Variants in JAZF1 observed in about 807,000 individuals in gnomAD.
JAZF1 encodes the protein juxtaposed with another zinc finger protein 1.
Under a neutral mutation model 26.4 loss-of-function variants are expected in JAZF1, and 8 were observed. The ratio of observed to expected loss-of-function variants is 0.30; its 90% CI spans 0.18 to 0.55. The LOEUF (loss-of-function observed/expected upper bound fraction) is 0.55, where lower values mean the gene tolerates loss of function less well. Ranked by LOEUF, JAZF1 falls within the 20% of genes least tolerant of loss-of-function variation. The pLI, the probability that JAZF1 is intolerant of heterozygous loss-of-function variation, is 0.94. For missense variants in JAZF1, 199 were observed against 322.0 expected, an observed-to-expected ratio of 0.62 and a Z score of 2.92; for synonymous variants, 126 against 122.3, an observed-to-expected ratio of 1.03 and a Z score of -0.20.
At chr7:27,946,375 C>T (rs962242761) in intron 2 of JAZF1, among the ~76,000 whole-genome samples, 3 of 152,202 alleles carry the variant, frequency 2.0e-5, no homozygotes, top group African/African-American at 7.2e-5. Context: ...ATCTAATACG[C>T]AATCTGAAGG....
intron 1 of JAZF1, among the ~76,000 whole-genome samples, chr7:28,066,496 G>A (rs1219221173): frequency 6.6e-6 from 1 of 151,708 alleles, no homozygotes; most frequent in East Asian, 1.9e-4. Flanking sequence ...CCAGCTACTT[G>A]GGAGGCTGAG....
At chr7:27,896,083 G>C (rs906558619) in intron 2 of JAZF1, among the ~76,000 whole-genome samples, 5 of 152,166 alleles carry the variant, frequency 3.3e-5, no homozygotes, top group Admixed American at 6.5e-5. Context: ...TCCAGAAGAA[G>C]GGAAGAGAGC....
intron 1 of JAZF1, among the ~76,000 whole-genome samples, chr7:28,138,919 A>G (rs1782924367): frequency 6.6e-6 from 1 of 152,238 alleles, no homozygotes; most frequent in African/African-American, 2.4e-5. Flanking sequence ...GATAACATAC[A>G]TGACAGTTGT....
chr7:28,112,457 G>A (rs1354073001), intron 1 of JAZF1, among the ~76,000 whole-genome samples: 1 of 152,008 alleles, frequency 6.6e-6, no homozygotes, highest in African/African-American at 2.4e-5. Context: ...TTGTAAAGTT[G>A]GTTTTAAAAA....
At chr7:28,173,118 T>C (rs763288302) in intron 1 of JAZF1, among the ~76,000 whole-genome samples, 1 of 152,174 alleles carries the variant, frequency 6.6e-6, no homozygotes, top group Non-Finnish European at 1.5e-5. Flanking sequence ...GCCCTGGCAA[T>C]ATATTCAAAA....
chr7:28,111,207 A>G (rs1433413387), intron 1 of JAZF1, among the ~76,000 whole-genome samples: 3 of 152,236 alleles, frequency 2.0e-5, no homozygotes, highest in African/African-American at 4.8e-5. Flanking sequence ...ATGCTAATCC[A>G]GTTAAGTTAA....
At chr7:27,863,539 T>C (rs1046325719) in intron 3 of JAZF1, among the ~76,000 whole-genome samples, 3 of 152,252 alleles carry the variant, frequency 2.0e-5, no homozygotes, top group Non-Finnish European at 4.4e-5. Flanking sequence ...ATCTCCCTCA[T>C]AGTGCAGCTA....
At chr7:27,878,745 C>T (rs1229118893) in intron 3 of JAZF1, among the ~76,000 whole-genome samples, 1 of 152,176 alleles carries the variant, frequency 6.6e-6, no homozygotes, top group Non-Finnish European at 1.5e-5. Context: ...CCCAAGAATT[C>T]TCATCTAAGT....
At chr7:28,121,186 G>GAAAAAAAAA (rs113018287) in intron 1 of JAZF1, among the ~76,000 whole-genome samples, 7 of 134,122 alleles carry the variant, frequency 5.2e-5, no homozygotes, top group Admixed American at 2.3e-4. Context: ...AGACTGTCTC[G>GAAAAAAAAA]AAAAAAAAAG....
chr7:27,953,010 C>T (rs931811216), intron 2 of JAZF1, among the ~76,000 whole-genome samples: 2 of 152,198 alleles, frequency 1.3e-5, no homozygotes, highest in African/African-American at 4.8e-5. Flanking sequence ...TCTTGTTGCT[C>T]TAAAGGCAGT....
Position 27,991,959 on chromosome 7 carries a change from T to C in JAZF1, c.138A>G (p.Glu46=), listed in dbSNP as rs911548623. Residue 46 remains glutamate (E), a synonymous_variant, in exon 2 of 5, where the codon GAA becomes GAG. Coordinates refer to ENST00000283928, the MANE Select transcript of JAZF1 (RefSeq NM_175061.4). ...AGGTTGGCTGCTGTAATTCTTGTTT[T>C]TCTAAAACCCGTGGATCTGTATCTG... ...NHIDTDPRVL[E]KQELQQPTYV... 2.0e-5 allele frequency: 32 copies of C among 1,606,542 alleles called. No homozygotes were observed. The highest frequency in any genetic ancestry group is 2.6e-5 in the Non-Finnish European group (31 of 1,173,952).
intron 1 of JAZF1, among the ~76,000 whole-genome samples, chr7:28,068,499 T>C (rs1278377209): frequency 8.5e-5 from 13 of 152,172 alleles, no homozygotes; most frequent in Non-Finnish European, 1.9e-4. Context: ...CCTGAAGACC[T>C]TGCAAATGAT....
intron 1 of JAZF1, among the ~76,000 whole-genome samples, chr7:28,141,258 T>C (rs926997770): frequency 3.9e-5 from 6 of 152,138 alleles, no homozygotes; most frequent in Admixed American, 3.9e-4. Flanking sequence ...ACCTCCTACA[T>C]GGAAAGCCTG....
Position 27,982,385 on chromosome 7 carries a change from C to A in JAZF1, c.188+9524G>T, listed in dbSNP as rs535857308. ...AGCCATCTGAGATCGAACAGCAAGGCGGCAGCGAGGCTGGGGGAGGGGCGT... is the reference window on the plus strand; with the variant it reads ...AGCCATCTGAGATCGAACAGCAAGGAGGCAGCGAGGCTGGGGGAGGGGCGT... On this transcript the variant is annotated intron_variant, in intron 2 of 4. Transcript: ENST00000283928. Among the ~76,000 whole-genome samples, 434 of 152,142 alleles carry A rather than the reference C, an allele frequency of 2.9e-3. 3 individuals are homozygous for A. The highest frequency in any genetic ancestry group is 9.8e-3 in the African/African-American group (405 of 41,512).
In JAZF1 at chr7:28,159,520, G is replaced by T. The variant is rs191623626; in HGVS notation, c.115+20943C>A. Among the ~76,000 whole-genome samples, 21 of 152,084 alleles carry T rather than the reference G, an allele frequency of 1.4e-4. No individual in the cohort carries two copies. The East Asian group carries it at 4.1e-3, about 30-fold the overall frequency. On this transcript the variant is annotated intron_variant, in intron 1 of 4. Transcript: ENST00000283928. ...GGCGTGGGCAGGAGGTGTTGAGACC[G>T]TAAGCCCTGGGAAGGTGTCTGGGTT...
At chr7:27,846,642 T>C (rs745945765) in intron 3 of JAZF1, 1 of 442,294 alleles carries the variant, frequency 2.3e-6, no homozygotes, top group Non-Finnish European at 4.7e-6. Context: ...ATCAGAGCTG[T>C]CTGAATGGGT....
chr7:27,895,504 C>T, intron 2 of JAZF1, 88 bp from the exon 3 acceptor site: 1 of 973,766 alleles, frequency 1.0e-6, no homozygotes, highest in Non-Finnish European at 1.4e-6. Flanking sequence ...ACATGCACGA[C>T]CCTGGAAAAG....
intron 3 of JAZF1, among the ~76,000 whole-genome samples, chr7:27,849,838 G>A (rs965202287): frequency 5.3e-5 from 8 of 149,658 alleles, no homozygotes; most frequent in Admixed American, 5.3e-4. Flanking sequence ...GGGCCCCGCC[G>A]GGTGCTTCTG....
chr7:28,132,066 G>T (rs1782803484), intron 1 of JAZF1, among the ~76,000 whole-genome samples: 2 of 151,966 alleles, frequency 1.3e-5, no homozygotes, highest in Admixed American at 1.3e-4. Flanking sequence ...TTTCCTACTT[G>T]GAATTCCATG....
Sources: allele counts gnomAD v4.1 joint callset (sites outside exome capture counted in the v4.1 genomes callset), GRCh38; gene constraint gnomAD v4.1.1; transcripts MANE v1.5; gene names NCBI Gene and HGNC (gene_info 2026-07-23, HGNC 2026-07-21).